The following ROBO1 variants were observed in gnomAD, a reference collection of about 807,000 sequenced individuals.
ROBO1 encodes roundabout guidance receptor 1.
In ROBO1, 149 loss-of-function variants were observed where a neutral mutation model predicts 195.9. The ratio of observed to expected loss-of-function variants is 0.76; its 90% CI spans 0.67 to 0.87. ROBO1 has a LOEUF of 0.87. ROBO1 is among the 40% of genes least tolerant of loss of function. ROBO1 has a pLI of 0.00. For missense variants in ROBO1, 1,933 were observed against 2,068.3 expected (o/e 0.93, Z 1.27); for synonymous variants, 816 against 733.2 (o/e 1.11, Z -1.82).
chr3:78,956,854 T>C (rs2041074629), intron 3 of ROBO1, among the ~76,000 whole-genome samples: 1 of 152,186 alleles, frequency 6.6e-6, no homozygotes, highest in Admixed American at 6.5e-5. Flanking sequence ...TCCTTAAATT[T>C]AATTCTGAGG....
chr3:79,637,924 T>G (rs952780389), intron 1 of ROBO1, among the ~76,000 whole-genome samples: 2 of 152,224 alleles, frequency 1.3e-5, no homozygotes, highest in Admixed American at 1.3e-4. Context: ...TTTTTAATTT[T>G]TTTATATGGA....
chr3:79,319,276 A>G (rs2033873393), intron 2 of ROBO1, among the ~76,000 whole-genome samples: 1 of 152,172 alleles, frequency 6.6e-6, no homozygotes, highest in Non-Finnish European at 1.5e-5. Flanking sequence ...ACAGGTCTGA[A>G]CTAACACGTG....
At chr3:79,341,190 C>A (rs886325452) in intron 2 of ROBO1, among the ~76,000 whole-genome samples, 2 of 152,132 alleles carry the variant, frequency 1.3e-5, no homozygotes, top group Non-Finnish European at 2.9e-5. Flanking sequence ...ATGCTTATAG[C>A]ATGTCATTCA....
At chr3:79,549,365 A>G (rs1327807042) in intron 2 of ROBO1, among the ~76,000 whole-genome samples, 2 of 152,210 alleles carry the variant, frequency 1.3e-5, no homozygotes, top group Non-Finnish European at 2.9e-5. Context: ...ATAAATGAGG[A>G]CATGGCATCT....
At chr3:79,761,802 C>G (rs1043966926) in intron 1 of ROBO1, among the ~76,000 whole-genome samples, 1 of 152,102 alleles carries the variant, frequency 6.6e-6, no homozygotes, top group Non-Finnish European at 1.5e-5. Flanking sequence ...GCAAATGGCT[C>G]CTCCCCCAAA....
At chr3:79,277,894 G>A (rs774976808) in intron 2 of ROBO1, among the ~76,000 whole-genome samples, 1 of 151,754 alleles carries the variant, frequency 6.6e-6, no homozygotes, top group Admixed American at 6.6e-5. Context: ...ATCCCTGTTT[G>A]CAAATGACAT....
intron 8 of ROBO1, among the ~76,000 whole-genome samples, chr3:78,701,742 T>TTAG (rs757038110): frequency 3.9e-5 from 6 of 152,134 alleles, no homozygotes; most frequent in African/African-American, 7.2e-5. Flanking sequence ...TCTATCAGGT[T>TTAG]TAGTTGTGCA....
At chr3:79,701,426 C>A (rs1225234718) in intron 1 of ROBO1, among the ~76,000 whole-genome samples, 1 of 151,286 alleles carries the variant, frequency 6.6e-6, no homozygotes, top group Non-Finnish European at 1.5e-5. Flanking sequence ...ACAATCATAC[C>A]AAGGTTCACA....
intron 1 of ROBO1, among the ~76,000 whole-genome samples, chr3:79,649,807 A>C (rs1443707405): frequency 2.0e-5 from 3 of 152,048 alleles, no homozygotes; most frequent in Non-Finnish European, 4.4e-5. Flanking sequence ...GGGCCCAGAG[A>C]GAACAAAAAC....
At chr3:79,033,722 G>GT (rs1457204034) in intron 3 of ROBO1, among the ~76,000 whole-genome samples, 2 of 151,996 alleles carry the variant, frequency 1.3e-5, no homozygotes, top group African/African-American at 4.8e-5. Context: ...AGCTGTCATT[G>GT]TTTTTTCAAA....
At chr3:78,985,856 G>C (rs2108019664) in intron 3 of ROBO1, among the ~76,000 whole-genome samples, 1 of 152,228 alleles carries the variant, frequency 6.6e-6, no homozygotes, top group African/African-American at 2.4e-5. Context: ...TGTTGCTAAA[G>C]TATCATGGAA....
At chr3:79,671,658 G>A (rs1237658063) in intron 1 of ROBO1, among the ~76,000 whole-genome samples, 1 of 151,758 alleles carries the variant, frequency 6.6e-6, no homozygotes, top group Non-Finnish European at 1.5e-5. Flanking sequence ...TTTTGATATG[G>A]TTAAGTTTCT....
chr3:79,656,137 T>C lies in ROBO1; in HGVS notation c.-50-66176A>G, dbSNP rs541564886. ...TTAAATCAGTTTTTATAACATGTAG[T>C]TAAGGATTGCAAAGACAAAGTGAAA... On this transcript the variant is annotated intron_variant, in intron 1 of 30. Coordinates refer to ENST00000464233, the MANE Select transcript of ROBO1 (RefSeq NM_002941.4). Among the ~76,000 whole-genome samples, 5 of 152,168 alleles carry C rather than the reference T, an allele frequency of 3.3e-5. No individual in the cohort carries two copies. In the South Asian group the frequency reaches 1.0e-3, roughly 32 times the overall value.
intron 2 of ROBO1, among the ~76,000 whole-genome samples, chr3:79,173,938 G>C (rs1458684049): frequency 6.6e-6 from 1 of 152,110 alleles, no homozygotes; most frequent in Non-Finnish European, 1.5e-5. Flanking sequence ...TTGACACTCT[G>C]TATCTAGCTA....
chr3:79,137,563 A>T (rs185635796), intron 2 of ROBO1, among the ~76,000 whole-genome samples: 1 of 152,128 alleles, frequency 6.6e-6, no homozygotes, highest in Non-Finnish European at 1.5e-5. Context: ...TTAATAGAAC[A>T]CATCATTTTA....
At chr3:79,234,515 T>G (rs2082374482) in intron 2 of ROBO1, among the ~76,000 whole-genome samples, 1 of 152,102 alleles carries the variant, frequency 6.6e-6, no homozygotes, top group African/African-American at 2.4e-5. Context: ...AAAAGTCACA[T>G]GTACTCATAT....
intron 4 of ROBO1, among the ~76,000 whole-genome samples, chr3:78,779,793 G>T (rs765897127): frequency 3.9e-5 from 6 of 152,214 alleles, no homozygotes; most frequent in Non-Finnish European, 8.8e-5. Flanking sequence ...CTACTATAAA[G>T]ACATATGCAC....
At chr3:79,639,714 C>G (rs1945600315) in intron 1 of ROBO1, among the ~76,000 whole-genome samples, 1 of 152,164 alleles carries the variant, frequency 6.6e-6, no homozygotes, top group Non-Finnish European at 1.5e-5. Context: ...ACCCAACTAT[C>G]ATTCTATGAT....
At chr3:78,658,605 T>A (rs1455106635) in intron 17 of ROBO1, among the ~76,000 whole-genome samples, 1 of 152,252 alleles carries the variant, frequency 6.6e-6, no homozygotes, top group Non-Finnish European at 1.5e-5. Flanking sequence ...TTCCTTATGA[T>A]GTTCTCAAGC....
Sources: gnomAD v4.1 joint callset for allele counts (sites outside exome capture counted in the v4.1 genomes callset) on GRCh38, gnomAD v4.1.1 for gene constraint, MANE v1.5 for transcripts, NCBI Gene and HGNC (gene_info 2026-07-23, HGNC 2026-07-21) for gene names.